The following SCARB2 variants were observed in gnomAD, a reference collection of about 807,000 sequenced individuals.
SCARB2 encodes the protein scavenger receptor class B member 2, also known as lysosome membrane protein 2.
Under a neutral mutation model 58.6 loss-of-function variants are expected in SCARB2, and 29 were observed. That is an observed-to-expected ratio of 0.49 (90% CI 0.37 to 0.67). The LOEUF (loss-of-function observed/expected upper bound fraction) is 0.67, where lower values mean the gene tolerates loss of function less well. SCARB2 is among the 30% of genes least tolerant of loss of function. The pLI, the probability that SCARB2 is intolerant of heterozygous loss-of-function variation, is 0.00. For synonymous variants in SCARB2, 195 were observed against 210.1 expected (o/e 0.93, Z 0.62); for missense variants, 488 against 578.5 (o/e 0.84, Z 1.60).
intron 9 of SCARB2, among the ~76,000 whole-genome samples, chr4:76,167,664 T>TC (rs1560705078): frequency 3.4e-3 from 98 of 28,712 alleles, no homozygotes; most frequent in South Asian, 5.7e-3. Flanking sequence ...TTCCTTTCCC[T>TC]CCCTCCCTCC....
At chr4:76,221,453 G>A (rs1733305327) in intron 1 of SCARB2, among the ~76,000 whole-genome samples, 1 of 152,068 alleles carries the variant, frequency 6.6e-6, no homozygotes, top group Non-Finnish European at 1.5e-5. Flanking sequence ...CGAGTAGCTG[G>A]GATTACAGGC....
At chr4:76,204,122 A>C (rs879779457) in intron 1 of SCARB2, among the ~76,000 whole-genome samples, 10 of 152,218 alleles carry the variant, frequency 6.6e-5, no homozygotes, top group Non-Finnish European at 1.3e-4. Flanking sequence ...TGGACTCCAG[A>C]TTAATAAAAC....
rs1476089525 is a variant in SCARB2 at position 76,161,465 on chromosome 4, G to T, written c.*248C>A. 3 of 561,778 alleles carry T rather than the reference G, an allele frequency of 5.3e-6. No homozygotes were observed. Among genetic ancestry groups the T allele is most frequent in the East Asian group, 3.0e-5 (1 of 33,152 alleles). The allele number at this position is 561,778 out of a possible 1,614,324, so 34.8% of individuals were successfully genotyped here. A position where few individuals can be genotyped will look rare whatever the true frequency, so the allele number is the denominator to read the frequency against. On this transcript the variant is annotated 3_prime_UTR_variant, in exon 12 of 12. Transcript: ENST00000264896. ...ACAACAACAAAATTACTATACAAGG[G>T]TTTATTAAATACTTGCTAGACACAT...
intron 2 of SCARB2, among the ~76,000 whole-genome samples, chr4:76,186,185 A>G (rs1198588858): frequency 6.6e-6 from 1 of 151,834 alleles, no homozygotes; most frequent in African/African-American, 2.4e-5. Flanking sequence ...CTGGAAGGGG[A>G]CTCCTGCAAA....
intron 2 of SCARB2, among the ~76,000 whole-genome samples, chr4:76,183,022 T>C (rs78738550): frequency 6.6e-6 from 1 of 152,226 alleles, no homozygotes; most frequent in Non-Finnish European, 1.5e-5. Flanking sequence ...TATCTCTTTA[T>C]ACCTCTTAAA....
chr4:76,203,499 T>C (rs946521085), intron 1 of SCARB2, among the ~76,000 whole-genome samples: 6 of 152,246 alleles, frequency 3.9e-5, no homozygotes, highest in Non-Finnish European at 5.9e-5. Context: ...TGTTTGAACT[T>C]GCATTTCTTG....
At chr4:76,219,430 G>T (rs1242664877) in intron 1 of SCARB2, among the ~76,000 whole-genome samples, 1 of 152,212 alleles carries the variant, frequency 6.6e-6, no homozygotes, top group Non-Finnish European at 1.5e-5. Context: ...AGCTTGGGTT[G>T]GGTTTAAACT....
chr4:76,176,286 GA>G, intron 5 of SCARB2, 150 bp downstream of exon 5: 1 of 628,888 alleles, frequency 1.6e-6, no homozygotes. Context: ...CCACCATCTT[GA>G]TTTGTAGAAT....
chr4:76,174,354 T>C (rs759027624), intron 6 of SCARB2, 41 bp from the exon 7 acceptor site: 2 of 1,596,684 alleles, frequency 1.3e-6, no homozygotes, highest in South Asian at 2.2e-5. Flanking sequence ...TGGACTCTGG[T>C]CAGTGTAATC....
intron 2 of SCARB2, among the ~76,000 whole-genome samples, chr4:76,187,402 T>C (rs1430675254): frequency 6.6e-6 from 1 of 152,170 alleles, no homozygotes; most frequent in Non-Finnish European, 1.5e-5. Flanking sequence ...GAAACACAAC[T>C]GGCTGGCAAA....
intron 7 of SCARB2, among the ~76,000 whole-genome samples, chr4:76,170,964 ATATATAT>A (rs1560706459): frequency 1.0e-4 from 15 of 147,380 alleles, no homozygotes; most frequent in South Asian, 8.5e-4. Context: ...ATATATATAT[ATATATAT>A]AACCAAATAG....
chr4:76,166,201 T>A (rs759472543), intron 10 of SCARB2, 49 bp downstream of exon 10: 4 of 1,577,692 alleles, frequency 2.5e-6, no homozygotes, highest in Non-Finnish European at 2.6e-6. Flanking sequence ...CATAATGGAT[T>A]TTTTCTGAGT....
intron 1 of SCARB2, among the ~76,000 whole-genome samples, chr4:76,229,327 A>G (rs1363650981): frequency 1.3e-5 from 2 of 152,112 alleles, no homozygotes; most frequent in African/African-American, 4.8e-5. Context: ...CAACCTTCTG[A>G]ATTCTTCATG....
In SCARB2 at chr4:76,160,961, T is replaced by G. The variant is rs1456171750; in HGVS notation, c.*752A>C. ...ACAAGCATCATAACTAGCAATTAAT[T>G]CTACATGAAATATCTGTACTTTATC... On this transcript the variant is annotated 3_prime_UTR_variant, in exon 12 of 12. Transcript: ENST00000264896. 6.6e-6 allele frequency: 1 copy of G among 152,194 alleles called. No individual in the cohort carries two copies. Among genetic ancestry groups the G allele is most frequent in the African/African-American group, 2.4e-5 (1 of 41,452 alleles). The allele number at this position is 152,194 out of a possible 1,614,324, so 9.4% of individuals were successfully genotyped here.
At chr4:76,211,846 A>C (rs1188381475) in intron 1 of SCARB2, among the ~76,000 whole-genome samples, 1 of 152,220 alleles carries the variant, frequency 6.6e-6, no homozygotes, top group Non-Finnish European at 1.5e-5. Context: ...AGTCCTCCTT[A>C]GCTGGGATTG....
chr4:76,205,875 C>G (rs60541751), intron 1 of SCARB2, among the ~76,000 whole-genome samples: 3,486 of 152,274 alleles, frequency 0.023, 123 homozygotes, highest in African/African-American at 0.079. Context: ...TTTCTCTACT[C>G]TAAGAAACAC....
rs762251387 is a variant in SCARB2 at position 76,213,412 on chromosome 4, C to A, written c.117+15G>T. The A allele has an allele frequency of 1.2e-5, 19 of 1,569,182 alleles. No individual in the cohort carries two copies. The East Asian group carries it at 1.8e-4, about 15-fold the overall frequency. ...GGACGACTCCACAACACACACACAG[C>A]CCGCCCCGCCTCACCTTCTCGATAC... On this transcript the variant is annotated intron_variant, in intron 1 of 11. Coordinates refer to ENST00000264896, the MANE Select transcript of SCARB2 (RefSeq NM_005506.4).
At chr4:76,178,060 A>T (rs961403914) in intron 4 of SCARB2, among the ~76,000 whole-genome samples, 1 of 152,244 alleles carries the variant, frequency 6.6e-6, no homozygotes, top group African/African-American at 2.4e-5. Flanking sequence ...ACAAATTTAA[A>T]AGCCTAAGTC....
intron 6 of SCARB2, chr4:76,174,776 AT>A: frequency 6.1e-6 from 1 of 164,946 alleles, no homozygotes; most frequent in Non-Finnish European, 1.3e-5. Context: ...CAGATACTTT[AT>A]TGGAATACAC....
Sources: allele counts gnomAD v4.1 joint callset (sites outside exome capture counted in the v4.1 genomes callset), GRCh38; gene constraint gnomAD v4.1.1; transcripts MANE v1.5; gene names NCBI Gene and HGNC (gene_info 2026-07-23, HGNC 2026-07-21).